TBC1D19: variants seen among roughly 807,000 people sequenced by gnomAD.
The protein encoded by TBC1D19 is TBC1 domain family member 19.
In TBC1D19, 60 loss-of-function variants were observed where a neutral mutation model predicts 89.0. That is an observed-to-expected ratio of 0.67 (90% CI 0.55 to 0.84). The LOEUF is 0.84. Among genes scored for constraint, TBC1D19 ranks in the 40% least tolerant of loss-of-function variants. TBC1D19 has a pLI of 0.00. For missense variants in TBC1D19, 500 were observed against 610.8 expected (o/e 0.82, Z 1.91); for synonymous variants, 189 against 199.7 (o/e 0.95, Z 0.45).
chr4:26,647,487 C>T (rs553954382), intron 7 of TBC1D19, among the ~76,000 whole-genome samples: 78 of 152,284 alleles, frequency 5.1e-4, no homozygotes, highest in African/African-American at 1.3e-3. Flanking sequence ...CCCAACTGGT[C>T]TTCCTACTTC....
At chr4:26,817,755 G>A in the TBC1D19 span, among the ~76,000 whole-genome samples, 1 of 151,782 alleles carries the variant, frequency 6.6e-6, no homozygotes, top group Non-Finnish European at 1.5e-5. Context: ...ATCACCTGAG[G>A]TCAGGAGGTC....
At chr4:26,753,735 C>A in intron 19 of TBC1D19, 85 bp from the exon 20 acceptor site, 1 of 1,420,648 alleles carries the variant, frequency 7.0e-7, no homozygotes, top group Non-Finnish European at 9.9e-7. Flanking sequence ...AGTTTCCGTG[C>A]AGTGGATTTT....
intron 7 of TBC1D19, among the ~76,000 whole-genome samples, chr4:26,657,723 T>G (rs1044744456): frequency 9.2e-5 from 14 of 152,222 alleles, no homozygotes; most frequent in African/African-American, 3.4e-4. Context: ...GCATTCCTAT[T>G]TCTCCACATC....
chr4:26,699,077 A>T (rs1715076234), intron 13 of TBC1D19, among the ~76,000 whole-genome samples: 1 of 152,246 alleles, frequency 6.6e-6, no homozygotes, highest in African/African-American at 2.4e-5. Flanking sequence ...TGAACAGGCA[A>T]CCTACAGAAT....
chr4:26,644,059 C>T (rs539883163), intron 7 of TBC1D19, among the ~76,000 whole-genome samples: 1 of 152,292 alleles, frequency 6.6e-6, no homozygotes, highest in African/African-American at 2.4e-5. Context: ...AGGGAATCCT[C>T]CTTAACTCAT....
chr4:26,620,512 A>G, intron 3 of TBC1D19, 101 bp from the exon 4 acceptor site: 1 of 937,862 alleles, frequency 1.1e-6, no homozygotes, highest in South Asian at 1.7e-5. Flanking sequence ...TATAAAATGA[A>G]ATGTTACTGG....
At chr4:26,671,881 A>G (rs1297062362) in intron 9 of TBC1D19, among the ~76,000 whole-genome samples, 2 of 151,868 alleles carry the variant, frequency 1.3e-5, no homozygotes, top group Non-Finnish European at 2.9e-5. Context: ...TAAACAAAAA[A>G]TTGTTTGGCT....
At position 26,753,801 on chromosome 4, in the gene TBC1D19, A is replaced by G; in HGVS notation, c.1436-19A>G. 1.2e-6 allele frequency: 2 copies of G among 1,613,614 alleles called. No individual in the cohort carries two copies. The highest frequency in any genetic ancestry group is 1.3e-5 in the African/African-American group (1 of 75,020). ...TGATGAGTAGGCCAGCAGTTGAAGT[A>G]GTGTGCATTCTTTTCCAGTGCTGGC... On this transcript the variant is annotated intron_variant, in intron 19 of 20. Transcript: ENST00000264866.
upstream of TBC1D19, among the ~76,000 whole-genome samples, chr4:26,579,273 A>C (rs1739025206): frequency 6.6e-6 from 1 of 152,202 alleles, no homozygotes; most frequent in Admixed American, 6.5e-5. Context: ...AAGAAACCAT[A>C]CATTCTTCTA....
At chr4:26,750,055 CTTCAGTA>C (rs943043093) in intron 19 of TBC1D19, among the ~76,000 whole-genome samples, 1 of 152,206 alleles carries the variant, frequency 6.6e-6, no homozygotes, top group Admixed American at 6.5e-5. Context: ...TGCTGGGACA[CTTCAGTA>C]TTGGGCAATC....
chr4:26,717,996 C>T lies in TBC1D19; in HGVS notation c.1018C>T (p.Pro340Ser). The T allele has an allele frequency of 6.2e-7, 1 of 1,610,906 alleles. No homozygotes were observed. Residue 340 changes from proline (P) to serine (S), a missense_variant, in exon 14 of 21, where the codon CCA becomes TCA. Physicochemically the swap from Pro to Ser is moderately conservative, Grantham distance 74. Coordinates refer to ENST00000264866, the MANE Select transcript of TBC1D19 (RefSeq NM_018317.4). ...LSHFAFNSAS[P>S]PKSYIRGKLG... ...TCACTTTGCATTCAACAGTGCCTCG[C>T]CACCAAAATCATACATAAGAGGTAA...
chr4:26,655,452 G>A (rs563007143), intron 7 of TBC1D19, among the ~76,000 whole-genome samples: 5 of 152,300 alleles, frequency 3.3e-5, no homozygotes, highest in East Asian at 1.9e-4. Flanking sequence ...TTTGTTTGGC[G>A]ATGCCCTGCC....
chr4:26,629,836 A>T (rs537082897), intron 4 of TBC1D19, among the ~76,000 whole-genome samples: 3 of 152,020 alleles, frequency 2.0e-5, no homozygotes, highest in African/African-American at 7.2e-5. Flanking sequence ...TTTCACTTTA[A>T]TCCAAAATAT....
At chr4:26,812,840 G>A in the TBC1D19 span, among the ~76,000 whole-genome samples, 2 of 147,090 alleles carry the variant, frequency 1.4e-5, no homozygotes, top group Non-Finnish European at 3.0e-5. The surrounding 1 kb of genome is among the most constrained non-coding windows in gnomAD (Gnocchi z 4.2). Context: ...GTATATATAT[G>A]TATATATACA....
At chr4:26,772,428 CT>C in the TBC1D19 span, among the ~76,000 whole-genome samples, 1 of 151,632 alleles carries the variant, frequency 6.6e-6, no homozygotes, top group South Asian at 2.1e-4. Flanking sequence ...TTGGAGTCCT[CT>C]TTATTTTTTC....
At chr4:26,585,026 C>T (rs1332904783) in intron 1 of TBC1D19, 1 of 210,298 alleles carries the variant, frequency 4.8e-6, no homozygotes. Flanking sequence ...TGTACAATGG[C>T]TTGTTTATTC....
chr4:26,714,225 A>G (rs1033740962), intron 13 of TBC1D19, among the ~76,000 whole-genome samples: 1 of 152,060 alleles, frequency 6.6e-6, no homozygotes, highest in African/African-American at 2.4e-5. Context: ...ATATACTGAT[A>G]TGAAAAGATC....
chr4:26,680,162 A>C (rs1713205406), intron 11 of TBC1D19, among the ~76,000 whole-genome samples: 1 of 152,174 alleles, frequency 6.6e-6, no homozygotes, highest in African/African-American at 2.4e-5. Flanking sequence ...TTCCACGGCC[A>C]TGTGGAAGTG....
At chr4:26,773,656 G>T in the TBC1D19 span, among the ~76,000 whole-genome samples, 2 of 152,136 alleles carry the variant, frequency 1.3e-5, no homozygotes, top group African/African-American at 4.8e-5. Context: ...GTATAAGGAA[G>T]GAGTTCAGTT....
Sources: allele counts gnomAD v4.1 joint callset (sites outside exome capture counted in the v4.1 genomes callset), GRCh38; gene constraint gnomAD v4.1.1; non-coding constraint Gnocchi (gnomAD v3.1); transcripts MANE v1.5; gene names NCBI Gene and HGNC (gene_info 2026-07-23, HGNC 2026-07-21).